PLEKHF1: variants seen among roughly 807,000 people sequenced by gnomAD.
PLEKHF1 encodes the protein pleckstrin homology domain-containing family F member 1.
In PLEKHF1, 1 loss-of-function variant was observed where a neutral mutation model predicts 4.1. The ratio of observed to expected loss-of-function variants is 0.24; its 90% CI spans 0.09 to 1.15. The LOEUF is 1.15. Ranked by LOEUF, PLEKHF1 falls within the 50% of genes most tolerant of loss-of-function variation. The probability of loss-of-function intolerance (pLI) is 0.52; values close to 1 mark genes in which losing one functional copy is unlikely to be tolerated. For synonymous variants in PLEKHF1, 182 were observed against 178.5 expected (o/e 1.02, Z -0.16); for missense variants, 429 against 400.6 (o/e 1.07, Z -0.60).
chr19:29,674,429 C>A lies in PLEKHF1; in HGVS notation c.590C>A (p.Ser197Tyr). 1 of 1,530,696 alleles carries A rather than the reference C, an allele frequency of 6.5e-7. No homozygotes were observed. Among genetic ancestry groups the A allele is most frequent in the African/African-American group, 1.4e-5 (1 of 72,964 alleles). 94.8% of individuals were successfully genotyped at this position (1,530,696 alleles called of 1,614,324 possible). A position where few individuals can be genotyped will look rare whatever the true frequency, so the allele number is the denominator to read the frequency against. The change falls in exon 2 of 2, where the codon TCC (serine) becomes TAC (tyrosine). Residue 197 changes from serine to tyrosine, a missense_variant. Physicochemically the swap from Ser to Tyr is moderately radical, Grantham distance 144 (BLOSUM62 -2). Transcript: ENST00000436066. The part of the protein sequence containing the change: ...SRQRFLLPRL[S>Y]PKPVRVCSLC... The stretch of plus-strand genomic sequence containing the variant: ...CAGCGCTTCCTGCTCCCGCGCCTGT[C>A]CCCCAAGCCCGTGCGCGTCTGCAGC...
At chr19:29,673,580 C>T (rs1275584466) in intron 1 of PLEKHF1, among the ~76,000 whole-genome samples, 1 of 152,212 alleles carries the variant, frequency 6.6e-6, no homozygotes, top group East Asian at 1.9e-4. Flanking sequence ...GCCTTCCCAT[C>T]CCTGTCTGGC....
In PLEKHF1 at chr19:29,674,205, G is replaced by T. The variant is rs748837825; in HGVS notation, c.366G>T (p.Trp122Cys). ...CCTCCGCTACGGAGCGCCAGGAATG[G>T]ATTAGCCACATCGAGGAGTGCGTGC... is the stretch of plus-strand genomic sequence containing the variant. ...SAASATERQEWISHIEECVRR... is the reference protein window; with the variant it reads ...SAASATERQECISHIEECVRR... The change falls in exon 2 of 2, where the codon TGG becomes TGT. Residue 122 changes from tryptophan to cysteine, a missense_variant. By Grantham distance (215) the Trp-to-Cys change is radical (BLOSUM62 -2). Coordinates refer to ENST00000436066, the MANE Select transcript of PLEKHF1 (RefSeq NM_024310.5). 1 of 1,612,940 alleles carries T rather than the reference G, an allele frequency of 6.2e-7. No homozygotes were observed. The highest frequency in any genetic ancestry group is 1.1e-5 in the South Asian group (1 of 91,086).
Position 29,674,857 on chromosome 19 carries a change from C to T in PLEKHF1, c.*178C>T. On this transcript the variant is annotated 3_prime_UTR_variant, in exon 2 of 2. Coordinates refer to ENST00000436066, the MANE Select transcript of PLEKHF1 (RefSeq NM_024310.5). ...TTTGCTGGACACTGTGTCCTTATGG[C>T]TTCACTGCAGGTAATGCCTTTCCCT... is the stretch of plus-strand genomic sequence containing the variant. 1.1e-6 allele frequency: 1 copy of T among 929,418 alleles called. No homozygotes were observed. The highest frequency in any genetic ancestry group is 3.0e-5 in the Admixed American group (1 of 33,122). 57.6% of individuals were successfully genotyped at this position (929,418 alleles called of 1,614,324 possible).
Position 29,671,864 on chromosome 19 carries a change from C to T in PLEKHF1, c.-16-1960C>T, listed in dbSNP as rs566098708. Among the ~76,000 whole-genome samples the T allele has an allele frequency of 4.6e-5, 7 of 152,164 alleles. No homozygotes were observed. Among genetic ancestry groups the T allele is most frequent in the East Asian group, 3.9e-4 (2 of 5,158 alleles). ...TGGGTGTGATCAGCTCAGCCCCAGG[C>T]GTGCCGTGTGTACCGGAATGCATGT... On this transcript the variant is annotated intron_variant, in intron 1 of 1. Coordinates refer to ENST00000436066, the MANE Select transcript of PLEKHF1 (RefSeq NM_024310.5). The surrounding 1 kb of genome is among the most constrained non-coding windows in gnomAD (Gnocchi z 4.0).
In PLEKHF1 at chr19:29,673,938, C is replaced by G. The variant is rs1005979352; in HGVS notation, c.99C>G (p.Gly33=). The G allele has an allele frequency of 1.2e-6, 2 of 1,613,620 alleles. No homozygotes were observed. Among genetic ancestry groups the G allele is most frequent in the Non-Finnish European group, 1.7e-6 (2 of 1,179,886 alleles). The part of the protein sequence containing the change: ...GASGQPLALP[G]RVLLGEGVLT... ...CGGGGCAGCCGCTGGCGCTGCCAGGCCGAGTGCTGCTGGGCGAGGGCGTGC... is the reference window on the plus strand; with the variant it reads ...CGGGGCAGCCGCTGGCGCTGCCAGGGCGAGTGCTGCTGGGCGAGGGCGTGC... The change falls in exon 2 of 2, where the codon GGC becomes GGG. Residue 33 remains glycine (G), a synonymous_variant. Coordinates refer to ENST00000436066, the MANE Select transcript of PLEKHF1 (RefSeq NM_024310.5).
intron 1 of PLEKHF1, chr19:29,665,910 G>C: frequency 1.4e-6 from 1 of 715,020 alleles, no homozygotes; most frequent in Non-Finnish European, 1.7e-6. Flanking sequence ...CTCAGCCCCA[G>C]TCTGCAGTCT....
rs1024042462 is a variant in PLEKHF1 at position 29,673,342 on chromosome 19, G to C, written c.-16-482G>C. ...CTGTTTTTCAAGGCTCCCCAGCGGG[G>C]CTGAACCTCTGCCCTCTGCTGCCCA... is the stretch of plus-strand genomic sequence containing the variant. On this transcript the variant is annotated intron_variant, in intron 1 of 1. Coordinates refer to ENST00000436066, the MANE Select transcript of PLEKHF1 (RefSeq NM_024310.5). 2.0e-5 allele frequency among the ~76,000 whole-genome samples: 3 copies of C among 152,020 alleles called. No homozygotes were observed. In the East Asian group the frequency reaches 5.8e-4, roughly 29 times the overall value.
Position 29,665,483 on chromosome 19 carries a change from TG to T in PLEKHF1, c.-36del. On this transcript the variant is annotated 5_prime_UTR_variant, in exon 1 of 2. Coordinates refer to ENST00000436066, the MANE Select transcript of PLEKHF1 (RefSeq NM_024310.5). ...GCTACTGCGGTGTGGACTCGAGGGC[TG>T]GGCGCGGGGCCGGCGCAGAAGGTGA... 2 of 1,114,342 alleles carry T rather than the reference TG, an allele frequency of 1.8e-6. No homozygotes were observed. Among genetic ancestry groups the T allele is most frequent in the South Asian group, 1.4e-5 (1 of 69,988 alleles). 69.0% of individuals were successfully genotyped at this position (1,114,342 alleles called of 1,614,324 possible).
intron 1 of PLEKHF1, among the ~76,000 whole-genome samples, chr19:29,666,234 G>A (rs1325475563): frequency 1.3e-5 from 2 of 152,212 alleles, no homozygotes; most frequent in African/African-American, 4.8e-5. Flanking sequence ...TGCAGCCCAA[G>A]GGGAGCACTC....
At chr19:29,672,903 T>C (rs1275159066) in intron 1 of PLEKHF1, among the ~76,000 whole-genome samples, 1 of 151,980 alleles carries the variant, frequency 6.6e-6, no homozygotes, top group African/African-American at 2.4e-5. Context: ...CTGGTGTGTG[T>C]GTGGACCAAG....
At chr19:29,668,498 T>C (rs1366279122) in intron 1 of PLEKHF1, among the ~76,000 whole-genome samples, 1 of 151,070 alleles carries the variant, frequency 6.6e-6, no homozygotes, top group Non-Finnish European at 1.5e-5. Context: ...GGAGGGAGGA[T>C]TGCTTGAGGC....
chr19:29,668,037 T>C (rs1023590934), intron 1 of PLEKHF1, among the ~76,000 whole-genome samples: 1 of 152,194 alleles, frequency 6.6e-6, no homozygotes, highest in Admixed American at 6.5e-5. Flanking sequence ...CCTGGCTTCA[T>C]GGCTTCTGCA....
Position 29,671,895 on chromosome 19 carries a change from C to T in PLEKHF1, c.-16-1929C>T, listed in dbSNP as rs996451198. ...GTGTGTACCGGAATGCATGTGTGCACGTGGTGGTGGTGGGGCCAGCTCTCA... is the reference window on the plus strand; with the variant it reads ...GTGTGTACCGGAATGCATGTGTGCATGTGGTGGTGGTGGGGCCAGCTCTCA... On this transcript the variant is annotated intron_variant, in intron 1 of 1. Transcript: ENST00000436066. The surrounding 1 kb of genome is among the most constrained non-coding windows in gnomAD (Gnocchi z 4.0). Among the ~76,000 whole-genome samples the T allele has an allele frequency of 6.6e-6, 1 of 151,928 alleles. No individual in the cohort carries two copies. The highest frequency in any genetic ancestry group is 1.5e-5 in the Non-Finnish European group (1 of 67,994).
chr19:29,668,744 G>A lies in PLEKHF1; in HGVS notation c.-17+3239G>A, dbSNP rs377694169. Among the ~76,000 whole-genome samples, 384 of 151,448 alleles carry A rather than the reference G, an allele frequency of 2.5e-3. 1 individual carries two copies. The highest frequency in any genetic ancestry group is 8.9e-3 in the African/African-American group (369 of 41,320). ...CAGAAAAAAAAAAAAAAGAAAGAAA[G>A]AAAAAAGCATTCCCCATCTAACTCA... is the stretch of plus-strand genomic sequence containing the variant. On this transcript the variant is annotated intron_variant, in intron 1 of 1. Transcript: ENST00000436066.
At chr19:29,666,611 T>C (rs1158427440) in intron 1 of PLEKHF1, among the ~76,000 whole-genome samples, 1 of 152,194 alleles carries the variant, frequency 6.6e-6, no homozygotes, top group Non-Finnish European at 1.5e-5. Context: ...CAACACCCGC[T>C]GGACTCTGAC....
chr19:29,674,597 A>G lies in PLEKHF1; in HGVS notation c.758A>G (p.Lys253Arg), dbSNP rs771064449. 4 of 1,607,178 alleles carry G rather than the reference A, an allele frequency of 2.5e-6. No individual in the cohort carries two copies. In the Admixed American group the frequency reaches 6.7e-5, roughly 27 times the overall value. The change falls in exon 2 of 2, where the codon AAG becomes AGG. Residue 253 changes from lysine (K) to arginine (R), a missense_variant. Transcript: ENST00000436066. ...SGDDDDSDED[K>R]EGSRDGDWPS... ...GATGACGATGACTCCGACGAGGACAAGGAGGGCAGCAGGGACGGCGACTGG... is the reference window on the plus strand; with the variant it reads ...GATGACGATGACTCCGACGAGGACAGGGAGGGCAGCAGGGACGGCGACTGG...
At chr19:29,672,639 G>C (rs1176872562) in intron 1 of PLEKHF1, among the ~76,000 whole-genome samples, 1 of 152,310 alleles carries the variant, frequency 6.6e-6, no homozygotes, top group South Asian at 2.1e-4. Context: ...GGTACAGGAA[G>C]GGGGAGATTC....
chr19:29,671,896 G>T lies in PLEKHF1; in HGVS notation c.-16-1928G>T, dbSNP rs1021739798. Among the ~76,000 whole-genome samples, 3 of 152,028 alleles carry T rather than the reference G, an allele frequency of 2.0e-5. No homozygotes were observed. Among genetic ancestry groups the T allele is most frequent in the African/African-American group, 4.8e-5 (2 of 41,382 alleles). On this transcript the variant is annotated intron_variant, in intron 1 of 1. Transcript: ENST00000436066. The surrounding 1 kb of genome is among the most constrained non-coding windows in gnomAD (Gnocchi z 4.0). ...TGTGTACCGGAATGCATGTGTGCAC[G>T]TGGTGGTGGTGGGGCCAGCTCTCAC...
chr19:29,672,384 T>C (rs557403318), intron 1 of PLEKHF1, among the ~76,000 whole-genome samples: 2 of 152,300 alleles, frequency 1.3e-5, no homozygotes, highest in East Asian at 3.9e-4. Flanking sequence ...TCTCAGACCT[T>C]GGATTACCAA....
Sources: gnomAD v4.1 joint callset for allele counts (sites outside exome capture counted in the v4.1 genomes callset) on GRCh38, gnomAD v4.1.1 for gene constraint, Gnocchi (gnomAD v3.1) non-coding constraint, MANE v1.5 for transcripts, NCBI Gene and HGNC (gene_info 2026-07-23, HGNC 2026-07-21) for gene names.